Variants in FAM219A observed in about 807,000 individuals in gnomAD.
FAM219A encodes the protein protein FAM219A.
FAM219A carries 7 observed loss-of-function variants against 23.4 expected under a neutral mutation model. That is an observed-to-expected ratio of 0.30 (90% CI 0.17 to 0.56). The LOEUF (loss-of-function observed/expected upper bound fraction) is 0.56, where lower values mean the gene tolerates loss of function less well. Among genes scored for constraint, FAM219A ranks in the 20% least tolerant of loss-of-function variants. FAM219A has a pLI of 0.92. For synonymous variants in FAM219A, 93 were observed against 99.0 expected (o/e 0.94, Z 0.36); for missense variants, 166 against 246.9 (o/e 0.67, Z 2.20).
intron 1 of FAM219A, among the ~76,000 whole-genome samples, chr9:34,455,536 G>A (rs1823700556): frequency 6.7e-6 from 1 of 148,420 alleles, no homozygotes; most frequent in South Asian, 2.1e-4. Context: ...GTAGGCACAC[G>A]GCTCACTGCA....
chr9:34,431,069 G>A (rs1163785195), intron 1 of FAM219A, among the ~76,000 whole-genome samples: 3 of 152,148 alleles, frequency 2.0e-5, no homozygotes, highest in Non-Finnish European at 4.4e-5. Context: ...CTGCTTGCTT[G>A]GACCCATGGC....
At chr9:34,439,123 G>A (rs1161963456) in intron 1 of FAM219A, among the ~76,000 whole-genome samples, 1 of 152,126 alleles carries the variant, frequency 6.6e-6, no homozygotes, top group Non-Finnish European at 1.5e-5. Context: ...CCACCAGAAG[G>A]AAGAAACTCC....
intron 1 of FAM219A, among the ~76,000 whole-genome samples, chr9:34,433,959 T>C (rs1004317088): frequency 1.3e-5 from 2 of 151,918 alleles, no homozygotes; most frequent in South Asian, 2.1e-4. Context: ...TCCCAGCACT[T>C]TGGGAGGCCG....
intron 1 of FAM219A, among the ~76,000 whole-genome samples, chr9:34,412,602 G>GA (rs34403925): frequency 0.22 from 30,842 of 142,942 alleles, 4,011 homozygotes; most frequent in African/African-American, 0.37. Flanking sequence ...TGAGCGGAGT[G>GA]AAAAAAAAAA....
At chr9:34,404,503 T>A (rs1821562254) in intron 2 of FAM219A, among the ~76,000 whole-genome samples, 1 of 152,060 alleles carries the variant, frequency 6.6e-6, no homozygotes, top group South Asian at 2.1e-4. Context: ...AGACCAGGAG[T>A]TCCAGACCAG....
intron 1 of FAM219A, among the ~76,000 whole-genome samples, chr9:34,425,765 C>G (rs1339395302): frequency 6.6e-6 from 1 of 151,890 alleles, no homozygotes; most frequent in Non-Finnish European, 1.5e-5. Context: ...TGACTTTTCC[C>G]AAAACTCTGA....
At position 34,398,439 on chromosome 9, in the gene FAM219A, C is replaced by T. The variant is rs1821298946; in HGVS notation, c.*2525G>A. 2.7e-6 allele frequency: 4 copies of T among 1,477,232 alleles called. No homozygotes were observed. Among genetic ancestry groups the T allele is most frequent in the African/African-American group, 2.8e-5 (2 of 71,776 alleles). The allele number at this position is 1,477,232 out of a possible 1,614,324, so 91.5% of individuals were successfully genotyped here. On this transcript the variant is annotated 3_prime_UTR_variant, in exon 6 of 6. Transcript: ENST00000651358. ...AGGGCAAGCTAAGGCCTAGATTCTT[C>T]CCTCCAACCTCCCAGACAGGGAAGG...
chr9:34,398,216 G>T lies in FAM219A; in HGVS notation c.*2748C>A. The T allele has an allele frequency of 1.3e-6, 2 of 1,511,246 alleles. No homozygotes were observed. The highest frequency in any genetic ancestry group is 4.9e-5 in the East Asian group (2 of 40,694). The allele number at this position is 1,511,246 out of a possible 1,614,324, so 93.6% of individuals were successfully genotyped here. ...TTTGATGCTTTTAATATCATTATTT[G>T]TGTTACACGATACACAACCAAGGAT... On this transcript the variant is annotated 3_prime_UTR_variant, in exon 6 of 6. Coordinates refer to ENST00000651358, the MANE Select transcript of FAM219A (RefSeq NM_001184940.2).
chr9:34,456,076 C>T (rs1413195563), intron 1 of FAM219A, among the ~76,000 whole-genome samples: 1 of 152,106 alleles, frequency 6.6e-6, no homozygotes, highest in Non-Finnish European at 1.5e-5. Context: ...GCCTATAATC[C>T]CAGCTACTTG....
Position 34,458,275 on chromosome 9 carries a change from G to A in FAM219A, c.-12C>T. 1 of 1,535,116 alleles carries A rather than the reference G, an allele frequency of 6.5e-7. No individual in the cohort carries two copies. Among genetic ancestry groups the A allele is most frequent in the South Asian group, 1.2e-5 (1 of 82,900 alleles). ...ATCTCCTCCATCATGGTGCCGGCGG[G>A]CGAGCGGGCCAGGGGCCGGGCGCGG... On this transcript the variant is annotated 5_prime_UTR_variant, in exon 1 of 6. Transcript: ENST00000651358. This position sits in a 1 kb window ranked among gnomAD's most constrained non-coding sequence, Gnocchi z 6.6.
At chr9:34,426,255 G>C (rs1822466083) in intron 1 of FAM219A, among the ~76,000 whole-genome samples, 1 of 152,132 alleles carries the variant, frequency 6.6e-6, no homozygotes, top group African/African-American at 2.4e-5. Flanking sequence ...CCCGAATGTT[G>C]AAACATCAGT....
intron 1 of FAM219A, among the ~76,000 whole-genome samples, chr9:34,440,969 C>T (rs933593037): frequency 6.6e-6 from 1 of 152,130 alleles, no homozygotes; most frequent in African/African-American, 2.4e-5. Context: ...CTCCTGGGCT[C>T]AAGTGATCCT....
At chr9:34,429,071 G>A (rs1822596556) in intron 1 of FAM219A, among the ~76,000 whole-genome samples, 2 of 152,216 alleles carry the variant, frequency 1.3e-5, no homozygotes, top group South Asian at 4.1e-4. Context: ...CCCAAACTCT[G>A]CCAGGCGTAC....
intron 1 of FAM219A, among the ~76,000 whole-genome samples, chr9:34,437,629 T>C (rs917474828): frequency 6.6e-6 from 1 of 152,282 alleles, no homozygotes; most frequent in Non-Finnish European, 1.5e-5. Flanking sequence ...CTAGGTTGTG[T>C]GACCTTGGGT....
chr9:34,398,630 C>A lies in FAM219A; in HGVS notation c.*2334G>T, dbSNP rs1432190870. 7.8e-6 allele frequency: 4 copies of A among 510,662 alleles called. No homozygotes were observed. Among genetic ancestry groups the A allele is most frequent in the South Asian group, 5.0e-5 (2 of 40,216 alleles). 31.6% of individuals were successfully genotyped at this position (510,662 alleles called of 1,614,324 possible). On this transcript the variant is annotated 3_prime_UTR_variant, in exon 6 of 6. Transcript: ENST00000651358. ...GTGTCTCAGGGCCACAGAGATTGAACAATGGGCCCGAGTCACACTGCAAGT... is the reference window on the plus strand; with the variant it reads ...GTGTCTCAGGGCCACAGAGATTGAAAAATGGGCCCGAGTCACACTGCAAGT...
chr9:34,448,359 T>C (rs967118721), intron 1 of FAM219A, among the ~76,000 whole-genome samples: 2 of 152,190 alleles, frequency 1.3e-5, no homozygotes, highest in Non-Finnish European at 1.5e-5. Flanking sequence ...CTGAAGACCA[T>C]AGCAGACATG....
intron 1 of FAM219A, among the ~76,000 whole-genome samples, chr9:34,449,421 A>T (rs1191762969): frequency 6.6e-6 from 1 of 152,240 alleles, no homozygotes; most frequent in African/African-American, 2.4e-5. Flanking sequence ...AAGGGAAATA[A>T]AACTCCCTTA....
At chr9:34,407,787 G>T (rs774430097) in intron 1 of FAM219A, among the ~76,000 whole-genome samples, 1 of 152,388 alleles carries the variant, frequency 6.6e-6, no homozygotes, top group Non-Finnish European at 1.5e-5. Context: ...CTTTGCGGAT[G>T]CAGGGAGTAG....
At position 34,431,255 on chromosome 9, in the gene FAM219A, C is replaced by G. The variant is rs143416599; in HGVS notation, c.61-25291G>C. Among the ~76,000 whole-genome samples, 496 of 152,268 alleles carry G rather than the reference C, an allele frequency of 3.3e-3. 2 individuals carry two copies. Among genetic ancestry groups the G allele is most frequent in the African/African-American group, 0.011 (458 of 41,540 alleles). On this transcript the variant is annotated intron_variant, in intron 1 of 5. Transcript: ENST00000651358. ...CTCTGGAAGCTCAGGATAAAATAGACCTGGCTTGGGGACAAAGTGGCCATA... is the reference window on the plus strand; with the variant it reads ...CTCTGGAAGCTCAGGATAAAATAGAGCTGGCTTGGGGACAAAGTGGCCATA...
Sources: gnomAD v4.1 joint callset for allele counts (sites outside exome capture counted in the v4.1 genomes callset) on GRCh38, gnomAD v4.1.1 for gene constraint, Gnocchi (gnomAD v3.1) non-coding constraint, MANE v1.5 for transcripts, NCBI Gene and HGNC (gene_info 2026-07-23, HGNC 2026-07-21) for gene names.